Variants in MMAA observed in about 807,000 individuals in gnomAD.
MMAA encodes metabolism of cobalamin associated A.
In MMAA, 41 loss-of-function variants were observed where a neutral mutation model predicts 45.0. That is an observed-to-expected ratio of 0.91 (90% confidence interval 0.71 to 1.18). MMAA has a LOEUF of 1.18. Among genes scored for constraint, MMAA ranks in the 50% most tolerant of loss-of-function variants. The pLI, the probability that MMAA is intolerant of heterozygous loss-of-function variation, is 0.00. For synonymous variants in MMAA, 154 were observed against 178.2 expected, an observed-to-expected ratio of 0.86 and a Z score of 1.08; for missense variants, 460 against 495.7, an observed-to-expected ratio of 0.93 and a Z score of 0.68.
At chr4:145,649,993 A>C (rs1347255622) in intron 4 of MMAA, among the ~76,000 whole-genome samples, 7 of 152,152 alleles carry the variant, frequency 4.6e-5, no homozygotes, top group Non-Finnish European at 8.8e-5. Context: ...CCGGGCTGGA[A>C]GACAGTTTTA....
intron 1 of MMAA, among the ~76,000 whole-genome samples, chr4:145,629,478 T>A (rs1734279912): frequency 6.6e-6 from 1 of 152,170 alleles, no homozygotes; most frequent in Admixed American, 6.5e-5. Flanking sequence ...TCAATAGTTA[T>A]CAAAATTCAT....
chr4:145,643,352 A>G (rs914038972), intron 3 of MMAA, among the ~76,000 whole-genome samples: 3 of 152,204 alleles, frequency 2.0e-5, no homozygotes, highest in South Asian at 2.1e-4. Context: ...TGAGGTTTAC[A>G]TCTTATGCAG....
intron 1 of MMAA, chr4:145,625,828 G>C (rs541813080): frequency 1.7e-6 from 2 of 1,205,632 alleles, no homozygotes; most frequent in Non-Finnish European, 1.2e-6. Flanking sequence ...TGTTCATTTA[G>C]TCACACCTCA....
rs1020422469 is a variant in MMAA at position 145,624,280 on chromosome 4, T to C, written c.-66+4873T>C. ...GTCTGGGGGGAAGTTATATTCCTCC[T>C]GTAGAGGTGAATTAAGTAATACTTC... is the stretch of plus-strand genomic sequence containing the variant. On this transcript the variant is annotated intron_variant, in intron 1 of 6. Transcript: ENST00000649156. 5.0e-6 allele frequency: 4 copies of C among 796,658 alleles called. No individual in the cohort carries two copies. In the African/African-American group the frequency reaches 6.7e-5, roughly 13 times the overall value. The allele number at this position is 796,658 out of a possible 1,614,324, so 49.3% of individuals were successfully genotyped here.
chr4:145,653,175 G>C (rs1012862168), intron 5 of MMAA, among the ~76,000 whole-genome samples: 2 of 152,172 alleles, frequency 1.3e-5, no homozygotes, highest in African/African-American at 4.8e-5. Context: ...ACCTAGCCCA[G>C]ACAAATTATT....
In MMAA at chr4:145,655,557, C is replaced by G; in HGVS notation, c.*123C>G. The G allele has an allele frequency of 1.0e-6, 1 of 993,942 alleles. No homozygotes were observed. The highest frequency in any genetic ancestry group is 1.4e-6 in the Non-Finnish European group (1 of 693,994). The allele number at this position is 993,942 out of a possible 1,614,324, so 61.6% of individuals were successfully genotyped here. On this transcript the variant is annotated 3_prime_UTR_variant, in exon 7 of 7. Coordinates refer to ENST00000649156, the MANE Select transcript of MMAA (RefSeq NM_172250.3). ...GTGCTCTTGTCTTCTTTGTTTGTGA[C>G]CCATGCTTGAAAACTTGAAGGAAGT... is the stretch of plus-strand genomic sequence containing the variant.
intron 1 of MMAA, among the ~76,000 whole-genome samples, chr4:145,633,313 A>G (rs1727509155): frequency 7.4e-6 from 1 of 135,014 alleles, no homozygotes; most frequent in Non-Finnish European, 1.5e-5. Flanking sequence ...ATTCTTTTGT[A>G]TCAGCCTCCC....
rs753801403 is a variant in MMAA, at chr4:145,621,959, A to C, written c.-66+2552A>C. On this transcript the variant is annotated intron_variant, in intron 1 of 6. Transcript: ENST00000649156. ...CTAGAAAAAAATGTACATTTTAGAA[A>C]CATCAATTAACTGAGTAATCAGTGT... Among the ~76,000 whole-genome samples the C allele has an allele frequency of 9.7e-4, 147 of 152,260 alleles. 1 individual carries two copies. The highest frequency in any genetic ancestry group is 1.6e-3 in the Non-Finnish European group (110 of 68,042).
At chr4:145,638,370 A>G (rs1438718902) in intron 1 of MMAA, among the ~76,000 whole-genome samples, 2 of 151,472 alleles carry the variant, frequency 1.3e-5, no homozygotes, top group Non-Finnish European at 2.9e-5. Context: ...CTCCGTCTCA[A>G]AAAAAAAAGA....
intron 3 of MMAA, among the ~76,000 whole-genome samples, chr4:145,644,947 C>T (rs890668511): frequency 6.6e-6 from 1 of 152,040 alleles, no homozygotes; most frequent in Non-Finnish European, 1.5e-5. Flanking sequence ...GCCAGATTGC[C>T]CCCAGTTGAG....
chr4:145,626,153 GTTCTTTGAT>G, intron 1 of MMAA: 1 of 486,970 alleles, frequency 2.1e-6, no homozygotes, highest in East Asian at 3.1e-5. Context: ...TATTGATCTA[GTTCTTTGAT>G]TTCTTCCCAT....
chr4:145,650,952 T>G lies in MMAA; in HGVS notation c.734-110T>G, dbSNP rs185050523. The stretch of plus-strand genomic sequence containing the variant: ...TGTTTAAAGGAGTGACCAGGTTGAC[T>G]GTGTGACCATGAGTATGAGTAAATG... On this transcript the variant is annotated intron_variant, in intron 4 of 6. Transcript: ENST00000649156. 109 of 922,848 alleles carry G rather than the reference T, an allele frequency of 1.2e-4. 1 individual carries two copies. The East Asian group carries it at 2.5e-3, about 21-fold the overall frequency. The allele number at this position is 922,848 out of a possible 1,614,324, so 57.2% of individuals were successfully genotyped here. A position where few individuals can be genotyped will look rare whatever the true frequency, so the allele number is the denominator to read the frequency against.
chr4:145,628,831 C>T (rs1332561010), intron 1 of MMAA, among the ~76,000 whole-genome samples: 1 of 152,096 alleles, frequency 6.6e-6, no homozygotes, highest in Non-Finnish European at 1.5e-5. Flanking sequence ...CACCATAATA[C>T]CACTCCTCTG....
At chr4:145,625,821 T>A in intron 1 of MMAA, 2 of 1,167,110 alleles carry the variant, frequency 1.7e-6, no homozygotes. Context: ...GTCCACCTGT[T>A]CATTTAGTCA....
At chr4:145,627,841 A>G (rs1172324947) in intron 1 of MMAA, among the ~76,000 whole-genome samples, 1 of 152,194 alleles carries the variant, frequency 6.6e-6, no homozygotes, top group East Asian at 1.9e-4. Context: ...TATCTCATAT[A>G]TATCATGTTA....
At chr4:145,653,431 T>A (rs1728149411) in intron 5 of MMAA, among the ~76,000 whole-genome samples, 1 of 152,120 alleles carries the variant, frequency 6.6e-6, no homozygotes, top group African/African-American at 2.4e-5. Context: ...AGATTGAGGT[T>A]TGTCCACGCA....
chr4:145,636,245 C>T (rs1727605207), intron 1 of MMAA, among the ~76,000 whole-genome samples: 1 of 152,152 alleles, frequency 6.6e-6, no homozygotes, highest in African/African-American at 2.4e-5. Flanking sequence ...TAGGATAGGT[C>T]AAGAAGGTCT....
chr4:145,643,455 G>A (rs1198295249), intron 3 of MMAA, among the ~76,000 whole-genome samples: 1 of 152,124 alleles, frequency 6.6e-6, no homozygotes, highest in Non-Finnish European at 1.5e-5. Context: ...TGCATACTGT[G>A]TTATAATGTG....
intron 5 of MMAA, among the ~76,000 whole-genome samples, chr4:145,653,329 A>T (rs908887291): frequency 6.6e-6 from 1 of 152,230 alleles, no homozygotes; most frequent in Non-Finnish European, 1.5e-5. Context: ...TTTTAATCTT[A>T]TGTAGAAAAA....
Sources: allele counts gnomAD v4.1 joint callset (sites outside exome capture counted in the v4.1 genomes callset), GRCh38; gene constraint gnomAD v4.1.1; transcripts MANE v1.5; gene names NCBI Gene and HGNC (gene_info 2026-07-23, HGNC 2026-07-21).